Variants in OTUD5 observed in about 807,000 individuals in gnomAD.
The protein encoded by OTUD5 is OTU deubiquitinase 5.
A neutral mutation model predicts 36.3 loss-of-function variants in OTUD5; 2 were observed. That is an observed-to-expected ratio of 0.06 (90% CI 0.02 to 0.17). The LOEUF is 0.17. Among genes scored for constraint, OTUD5 ranks in the 10% least tolerant of loss-of-function variants. OTUD5 has a pLI of 1.00. For missense variants in OTUD5, 233 were observed against 512.3 expected, an observed-to-expected ratio of 0.45 and a Z score of 5.26; for synonymous variants, 234 against 214.9, an observed-to-expected ratio of 1.09 and a Z score of -0.78.
intron 5 of OTUD5, among the ~76,000 whole-genome samples, chrX:48,931,531 C>T (rs1234199414): frequency 2.7e-5 from 3 of 112,166 alleles, no homozygotes; most frequent in African/African-American, 9.7e-5. Context: ...GTAATCCCAG[C>T]ACTTTGGGAG....
At chrX:48,944,138 G>A in intron 2 of OTUD5, 52 bp downstream of exon 2, 1 of 896,061 alleles carries the variant, frequency 1.1e-6, no homozygotes, top group Non-Finnish European at 1.6e-6. Flanking sequence ...TGATAACTGG[G>A]ACACAGCTTA....
At position 48,957,077 on chromosome X, in the gene OTUD5, C is replaced by A; in HGVS notation, c.494G>T (p.Ser165Ile). Residue 165 changes from serine to isoleucine, a missense_variant, in exon 1 of 9, where the codon AGT (serine) becomes ATT (isoleucine). Transcript: ENST00000376488. ...TGCGCCGACCTCCTCACGCTCGGGA[C>A]TGCCCCCGCCAACCGCGCCAACCCC... ...APGVGAVGGG[S>I]PEREEVGAGY... 1 of 1,183,854 alleles carries A rather than the reference C, an allele frequency of 8.4e-7. No homozygotes were observed.
At chrX:48,956,886 G>A (rs1382137930) in intron 1 of OTUD5, 91 bp downstream of exon 1, 3 of 948,698 alleles carry the variant, frequency 3.2e-6, no homozygotes, top group Non-Finnish European at 4.1e-6. Flanking sequence ...TAGATCCCTT[G>A]GGGCGATCTC....
At chrX:48,933,670 G>A (rs1370387147) in intron 5 of OTUD5, among the ~76,000 whole-genome samples, 3 of 111,631 alleles carry the variant, frequency 2.7e-5, no homozygotes, top group Non-Finnish European at 5.6e-5. Flanking sequence ...TGCCAGCCTC[G>A]GCTTCCCAAA....
chrX:48,935,809 G>A (rs1205367463), intron 2 of OTUD5, among the ~76,000 whole-genome samples: 2 of 108,979 alleles, frequency 1.8e-5, no homozygotes, highest in Non-Finnish European at 3.8e-5. Context: ...CATGGTGGCG[G>A]GCGCCTATAA....
intron 1 of OTUD5, among the ~76,000 whole-genome samples, chrX:48,956,018 G>A (rs1292691860): frequency 9.0e-6 from 1 of 111,337 alleles, no homozygotes; most frequent in African/African-American, 3.3e-5. Flanking sequence ...AACGCTGTGA[G>A]TCTCATTTTC....
intron 5 of OTUD5, among the ~76,000 whole-genome samples, chrX:48,930,855 G>A (rs1377025444): frequency 4.5e-5 from 5 of 110,238 alleles, no homozygotes; most frequent in African/African-American, 1.3e-4. Context: ...CCAGCTACTC[G>A]GGAGGCTGAG....
intron 2 of OTUD5, among the ~76,000 whole-genome samples, chrX:48,943,199 G>A (rs782559291): frequency 9.9e-5 from 11 of 111,472 alleles, no homozygotes; most frequent in African/African-American, 3.3e-4. Context: ...AGAACCACAG[G>A]GAGGATCAGG....
rs782392652 is a variant in OTUD5 at position 48,923,510 on chromosome X, C to A, written c.1579+123G>T. 2.4e-5 allele frequency: 14 copies of A among 594,776 alleles called. No homozygotes were observed. In the East Asian group the frequency reaches 4.3e-4, roughly 18 times the overall value. 49.0% of individuals were successfully genotyped at this position (594,776 alleles called of 1,213,427 possible). A position where few individuals can be genotyped will look rare whatever the true frequency, so the allele number is the denominator to read the frequency against. ...GGATCTGAAAAATCCCCTCCAGTGC[C>A]TCTCCCTTCTTTTCTTGGGGAGATG... On this transcript the variant is annotated intron_variant, in intron 8 of 8. Transcript: ENST00000376488.
chrX:48,923,160 T>A lies in OTUD5; in HGVS notation c.*14A>T. 2.5e-6 allele frequency: 3 copies of A among 1,209,430 alleles called. No individual in the cohort carries two copies. Among genetic ancestry groups the A allele is most frequent in the Non-Finnish European group, 2.2e-6 (2 of 893,985 alleles). On this transcript the variant is annotated 3_prime_UTR_variant, in exon 9 of 9. Coordinates refer to ENST00000376488, the MANE Select transcript of OTUD5 (RefSeq NM_001136157.2). ...ACTGGGGTTGGGAGATGGTGTCCAA[T>A]CCCTGGGTCTCCATCAACTCTTGTC...
chrX:48,952,909 G>A (rs782441608), intron 1 of OTUD5, among the ~76,000 whole-genome samples: 134 of 112,102 alleles, frequency 1.2e-3, no homozygotes, highest in Non-Finnish European at 1.8e-3. Flanking sequence ...AGGTTACTAG[G>A]AGTGGACAAA....
intron 1 of OTUD5, among the ~76,000 whole-genome samples, chrX:48,951,809 T>C (rs781806101): frequency 3.6e-5 from 4 of 111,921 alleles, no homozygotes; most frequent in Non-Finnish European, 7.5e-5. Context: ...ATCCCAGCAC[T>C]TTGGGAGGCC....
At chrX:48,955,946 C>T (rs900228491) in intron 1 of OTUD5, among the ~76,000 whole-genome samples, 2 of 110,362 alleles carry the variant, frequency 1.8e-5, no homozygotes, top group African/African-American at 6.6e-5. Flanking sequence ...CCTGAAGAGG[C>T]CTCAGACTCG....
chrX:48,948,885 A>T (rs2064081202), intron 1 of OTUD5, among the ~76,000 whole-genome samples: 1 of 112,087 alleles, frequency 8.9e-6, no homozygotes, highest in African/African-American at 3.2e-5. Flanking sequence ...AAGCTCCCTA[A>T]CACCAGAGGA....
intron 6 of OTUD5, among the ~76,000 whole-genome samples, chrX:48,925,278 CAAA>C (rs781953573): frequency 1.8e-4 from 7 of 39,253 alleles, no homozygotes; most frequent in Admixed American, 3.4e-4. Context: ...ACTCTGTCTC[CAAA>C]AAAAAAAAAA....
intron 2 of OTUD5, among the ~76,000 whole-genome samples, chrX:48,941,920 G>C (rs1487949096): frequency 1.8e-5 from 2 of 111,390 alleles, no homozygotes; most frequent in Non-Finnish European, 3.8e-5. Context: ...GTACTTCGGG[G>C]GAGAGGCCAG....
At chrX:48,937,114 G>T (rs1602394661) in intron 2 of OTUD5, among the ~76,000 whole-genome samples, 1 of 111,639 alleles carries the variant, frequency 9.0e-6, no homozygotes, top group Admixed American at 9.5e-5. Context: ...GGCGGGAAGG[G>T]GGGTAGCCCC....
In OTUD5 at chrX:48,957,100, C is replaced by A; in HGVS notation, c.471G>T (p.Gly157=). Residue 157 remains glycine (G), a synonymous_variant, in exon 1 of 9, where the codon GGG becomes GGT. Transcript: ENST00000376488. ...GACTGCCCCCGCCAACCGCGCCAAC[C>A]CCGGGAGCTTGACGTCGCCGCTTGC... ...GHSKRRRQAP[G]VGAVGGGSPE... 7.6e-6 allele frequency: 9 copies of A among 1,177,831 alleles called. No individual in the cohort carries two copies. Among genetic ancestry groups the A allele is most frequent in the Non-Finnish European group, 1.0e-5 (9 of 881,448 alleles).
rs2063849657 is a variant in OTUD5, at chrX:48,937,621, C to A, written c.689-2603G>T. On this transcript the variant is annotated intron_variant, in intron 2 of 8. Coordinates refer to ENST00000376488, the MANE Select transcript of OTUD5 (RefSeq NM_001136157.2). ...CCCTTTGCCTGGCAGAAAGGCTCTGCTGCCTCCTAGCTGTGTAGCAATGGA... is the reference window on the plus strand; with the variant it reads ...CCCTTTGCCTGGCAGAAAGGCTCTGATGCCTCCTAGCTGTGTAGCAATGGA... Among the ~76,000 whole-genome samples, 8 of 112,706 alleles carry A rather than the reference C, an allele frequency of 7.1e-5. No homozygotes were observed. The South Asian group carries it at 2.9e-3, about 40-fold the overall frequency.
Sources: gnomAD v4.1 joint callset for allele counts (sites outside exome capture counted in the v4.1 genomes callset) on GRCh38, gnomAD v4.1.1 for gene constraint, MANE v1.5 for transcripts, NCBI Gene and HGNC (gene_info 2026-07-23, HGNC 2026-07-21) for gene names.